ANOS1: variants seen among roughly 807,000 people sequenced by gnomAD.
ANOS1 encodes anosmin 1, also known as anosmin-1.
In ANOS1, 6 loss-of-function variants were observed where a neutral mutation model predicts 59.0. That is an observed-to-expected ratio of 0.10 (90% CI 0.06 to 0.20). The LOEUF is 0.20. Among genes scored for constraint, ANOS1 ranks in the 10% least tolerant of loss-of-function variants. The probability of loss-of-function intolerance (pLI) is 1.00; values close to 1 mark genes in which losing one functional copy is unlikely to be tolerated. For missense variants in ANOS1, 433 were observed against 542.3 expected (o/e 0.80, Z 2.00); for synonymous variants, 217 against 223.4 (o/e 0.97, Z 0.25).
At chrX:8,701,849 C>T (rs1202911412) in intron 1 of ANOS1, among the ~76,000 whole-genome samples, 4 of 111,505 alleles carry the variant, frequency 3.6e-5, no homozygotes, top group East Asian at 2.8e-4. Context: ...TAAATCTCAG[C>T]TGTATAGGAT....
At chrX:8,695,414 C>T (rs1264088107) in intron 2 of ANOS1, among the ~76,000 whole-genome samples, 2 of 111,383 alleles carry the variant, frequency 1.8e-5, no homozygotes, top group Non-Finnish European at 3.8e-5. Context: ...AAGGGCATAC[C>T]ACATTCTTAT....
intron 2 of ANOS1, 120 bp downstream of exon 2, chrX:8,699,578 C>T: frequency 2.2e-6 from 1 of 460,532 alleles, no homozygotes; most frequent in Non-Finnish European, 3.7e-6. Flanking sequence ...AAAGTGTAAC[C>T]ATTGGTGGAA....
intron 8 of ANOS1, among the ~76,000 whole-genome samples, chrX:8,557,011 A>G (rs1314272041): frequency 2.7e-5 from 3 of 111,674 alleles, no homozygotes; most frequent in Non-Finnish European, 3.8e-5. Context: ...CAGAGGCCTC[A>G]GAAATAACAC....
chrX:8,574,910 T>A (rs1467791006), intron 6 of ANOS1, among the ~76,000 whole-genome samples: 1 of 111,847 alleles, frequency 8.9e-6, no homozygotes, highest in African/African-American at 3.3e-5. Flanking sequence ...ATTAGGTACC[T>A]TGTTTGCTGT....
intron 8 of ANOS1, among the ~76,000 whole-genome samples, chrX:8,559,085 A>G (rs1278800321): frequency 1.8e-5 from 2 of 111,710 alleles, no homozygotes; most frequent in African/African-American, 3.3e-5. Context: ...CTCCTGAAAT[A>G]CCACCAGGCA....
At chrX:8,711,236 T>A (rs1932810453) in intron 1 of ANOS1, among the ~76,000 whole-genome samples, 1 of 112,561 alleles carries the variant, frequency 8.9e-6, no homozygotes, top group African/African-American at 3.2e-5. Flanking sequence ...CTGGCAACAG[T>A]GGCAACACAA....
intron 2 of ANOS1, among the ~76,000 whole-genome samples, chrX:8,658,754 T>C (rs1395176771): frequency 9.0e-6 from 1 of 111,349 alleles, no homozygotes; most frequent in African/African-American, 3.3e-5. Context: ...ACTTTGCAGG[T>C]AAAGAGGCAT....
At chrX:8,642,414 G>T in intron 2 of ANOS1, among the ~76,000 whole-genome samples, 1 of 110,454 alleles carries the variant, frequency 9.1e-6, no homozygotes, top group Non-Finnish European at 1.9e-5. Context: ...TTTTTTGGGG[G>T]TAGTGATAAA....
intron 2 of ANOS1, among the ~76,000 whole-genome samples, chrX:8,638,903 T>C (rs922043450): frequency 7.2e-5 from 8 of 111,156 alleles, no homozygotes; most frequent in Non-Finnish European, 1.5e-4. Context: ...TTTTTAGAAG[T>C]ATAGCAGGCT....
At chrX:8,589,698 C>T (rs1930582650) in intron 4 of ANOS1, among the ~76,000 whole-genome samples, 1 of 111,872 alleles carries the variant, frequency 8.9e-6, no homozygotes, top group African/African-American at 3.3e-5. Context: ...AGTGCATAAC[C>T]ATAGCAATGG....
rs994094571 is a variant in ANOS1, at chrX:8,717,536, GA to G, written c.207+14293del. ...TTTCTTTTAAATTCTGGCCCAATGG[GA>G]AAAAAAAAAATACTTCCCAGATGTA... is the stretch of plus-strand genomic sequence containing the variant. On this transcript the variant is annotated intron_variant, in intron 1 of 13. Coordinates refer to ENST00000262648, the MANE Select transcript of ANOS1 (RefSeq NM_000216.4). Among the ~76,000 whole-genome samples, 302 of 104,718 alleles carry G rather than the reference GA, an allele frequency of 2.9e-3. 1 individual carries two copies. The highest frequency in any genetic ancestry group is 7.9e-3 in the African/African-American group (231 of 29,074). 90.9% of individuals were successfully genotyped at this position (104,718 alleles called of 115,157 possible).
At chrX:8,581,473 C>T (rs1930422639) in intron 6 of ANOS1, among the ~76,000 whole-genome samples, 1 of 111,677 alleles carries the variant, frequency 9.0e-6, no homozygotes, top group Admixed American at 9.5e-5. Context: ...TTTACATTTC[C>T]ATATGTCTCA....
At chrX:8,714,410 A>G (rs970558921) in intron 1 of ANOS1, among the ~76,000 whole-genome samples, 7 of 111,699 alleles carry the variant, frequency 6.3e-5, no homozygotes, top group Non-Finnish European at 1.3e-4. Context: ...TATCAAGCTA[A>G]TTACTCACAT....
chrX:8,662,759 C>T (rs1932061044), intron 2 of ANOS1, among the ~76,000 whole-genome samples: 2 of 112,392 alleles, frequency 1.8e-5, no homozygotes, highest in Admixed American at 9.4e-5. Context: ...CCGTGGCTCA[C>T]GCCTGTAATC....
intron 9 of ANOS1, among the ~76,000 whole-genome samples, chrX:8,541,171 G>A (rs909101657): frequency 2.9e-5 from 3 of 104,969 alleles, no homozygotes; most frequent in Admixed American, 1.0e-4. Flanking sequence ...TTGGGAGGCC[G>A]AGGCAGGCAG....
chrX:8,603,008 G>A (rs1423351779), intron 3 of ANOS1, among the ~76,000 whole-genome samples: 1 of 111,684 alleles, frequency 9.0e-6, no homozygotes, highest in African/African-American at 3.3e-5. Context: ...CAAAGTGCTG[G>A]GATTACAGGC....
chrX:8,656,187 T>C (rs1425474674), intron 2 of ANOS1, among the ~76,000 whole-genome samples: 1 of 112,616 alleles, frequency 8.9e-6, no homozygotes, highest in East Asian at 2.8e-4. Context: ...CTTTCTGCAT[T>C]CCCGCAAATG....
intron 1 of ANOS1, among the ~76,000 whole-genome samples, chrX:8,730,277 G>A (rs1042356490): frequency 8.9e-6 from 1 of 112,430 alleles, no homozygotes; most frequent in African/African-American, 3.2e-5. Context: ...TGGAAACCAG[G>A]TGCCTGGGGA....
intron 2 of ANOS1, among the ~76,000 whole-genome samples, chrX:8,625,985 G>A (rs1414235947): frequency 9.3e-6 from 1 of 107,208 alleles, no homozygotes; most frequent in Admixed American, 1.0e-4. Context: ...GGTGGTGGGC[G>A]CCTGTAGTCC....
Sources: gnomAD v4.1 joint callset for allele counts (sites outside exome capture counted in the v4.1 genomes callset) on GRCh38, gnomAD v4.1.1 for gene constraint, MANE v1.5 for transcripts, NCBI Gene and HGNC (gene_info 2026-07-23, HGNC 2026-07-21) for gene names.